RELN: variants seen among roughly 807,000 people sequenced by gnomAD.
The protein encoded by RELN is reelin.
RELN carries 108 observed loss-of-function variants against 427.6 expected under a neutral mutation model. The ratio of observed to expected loss-of-function variants is 0.25; its 90% confidence interval spans 0.22 to 0.30. The LOEUF (loss-of-function observed/expected upper bound fraction) is 0.30, where lower values mean the gene tolerates loss of function less well. RELN is among the 10% of genes least tolerant of loss of function. The pLI, the probability that RELN is intolerant of heterozygous loss-of-function variation, is 1.00. For missense variants in RELN, 3,715 were observed against 4,302.8 expected, an observed-to-expected ratio of 0.86 and a Z score of 3.82; for synonymous variants, 1,524 against 1,513.4, an observed-to-expected ratio of 1.01 and a Z score of -0.16.
intron 2 of RELN, among the ~76,000 whole-genome samples, chr7:103,862,428 T>C (rs577169542): frequency 2.5e-4 from 37 of 146,986 alleles, no homozygotes; most frequent in Non-Finnish European, 4.6e-4. Flanking sequence ...TCTATCTATC[T>C]ATCTATCTAT....
chr7:103,644,007 C>G (rs1473416186), intron 16 of RELN, among the ~76,000 whole-genome samples: 1 of 151,890 alleles, frequency 6.6e-6, no homozygotes. Flanking sequence ...CTAAGGATAT[C>G]TATAACCAAT....
At chr7:103,895,564 A>G (rs1236899715) in intron 2 of RELN, among the ~76,000 whole-genome samples, 2 of 152,132 alleles carry the variant, frequency 1.3e-5, no homozygotes, top group Non-Finnish European at 2.9e-5. Context: ...ATGCAGAATG[A>G]AAAACTTTTA....
chr7:103,749,343 T>C lies in RELN; in HGVS notation c.656+83A>G. 4 of 1,082,652 alleles carry C rather than the reference T, an allele frequency of 3.7e-6. No homozygotes were observed. The Admixed American group carries it at 6.8e-5, about 18-fold the overall frequency. 67.1% of individuals were successfully genotyped at this position (1,082,652 alleles called of 1,614,324 possible). The stretch of plus-strand genomic sequence containing the variant: ...CTTAGCACTAAAGATCAACTTAATT[T>C]TAAGTAACTGCTCCTTAAAGGAGCA... On this transcript the variant is annotated intron_variant, in intron 6 of 64. Transcript: ENST00000428762.
chr7:103,685,365 T>G (rs78963669), intron 10 of RELN, among the ~76,000 whole-genome samples: 5,471 of 152,182 alleles, frequency 0.036, 161 homozygotes, highest in East Asian at 0.14. Flanking sequence ...CATGAGCTCT[T>G]GATATGAAAA....
chr7:103,586,750 T>C (rs1320294929), intron 28 of RELN, among the ~76,000 whole-genome samples: 1 of 152,288 alleles, frequency 6.6e-6, no homozygotes, highest in East Asian at 1.9e-4. Flanking sequence ...ACATTGAAGC[T>C]GAGTACAAAA....
In RELN at chr7:103,510,953, G is replaced by A; in HGVS notation, c.8172C>T (p.Asp2724=). The part of the protein sequence containing the change: ...HDDCTVERFC[D]SPDGVMLCGS... ...CACAGAGCATCACACCATCAGGGGAGTCACAGAATCTTTCTACTGTACAAT... is the reference window on the plus strand; with the variant it reads ...CACAGAGCATCACACCATCAGGGGAATCACAGAATCTTTCTACTGTACAAT... The change falls in exon 51 of 65, where the codon GAC becomes GAT. Residue 2724 remains aspartate, a synonymous_variant. Coordinates refer to ENST00000428762, the MANE Select transcript of RELN (RefSeq NM_005045.4). 1.2e-6 allele frequency: 2 copies of A among 1,612,818 alleles called. No individual in the cohort carries two copies. The highest frequency in any genetic ancestry group is 1.7e-5 in the Admixed American group (1 of 59,964).
At chr7:103,874,432 T>G (rs1469475665) in intron 2 of RELN, among the ~76,000 whole-genome samples, 17 of 143,058 alleles carry the variant, frequency 1.2e-4, no homozygotes, top group African/African-American at 4.2e-4. Context: ...TGTTTGCAGA[T>G]GACATGATTG....
At chr7:103,839,499 C>A (rs142052535) in intron 2 of RELN, among the ~76,000 whole-genome samples, 1 of 151,836 alleles carries the variant, frequency 6.6e-6, no homozygotes, top group African/African-American at 2.4e-5. Flanking sequence ...TTAGGCTCTA[C>A]GGAGGTATAT....
chr7:103,865,832 C>A (rs558467595), intron 2 of RELN, among the ~76,000 whole-genome samples: 1 of 152,116 alleles, frequency 6.6e-6, no homozygotes, highest in East Asian at 1.9e-4. Flanking sequence ...GCTCTAAGAT[C>A]GGGAACAAGG....
At chr7:103,751,793 A>G (rs1246474629) in intron 5 of RELN, among the ~76,000 whole-genome samples, 1 of 152,200 alleles carries the variant, frequency 6.6e-6, no homozygotes, top group Non-Finnish European at 1.5e-5. Flanking sequence ...CAGATTTTCC[A>G]AAGAGGAAAA....
intron 6 of RELN, among the ~76,000 whole-genome samples, chr7:103,744,262 C>T (rs1451521419): frequency 6.6e-6 from 1 of 152,104 alleles, no homozygotes; most frequent in African/African-American, 2.4e-5. Flanking sequence ...ACATTCAAAG[C>T]AGTGTGTAGA....
intron 5 of RELN, among the ~76,000 whole-genome samples, chr7:103,750,144 T>A (rs1464089825): frequency 6.6e-6 from 1 of 152,192 alleles, no homozygotes; most frequent in East Asian, 1.9e-4. Flanking sequence ...CATGACTGGC[T>A]AATTTTTATA....
At chr7:103,770,177 T>C (rs891681210) in intron 4 of RELN, among the ~76,000 whole-genome samples, 1 of 152,122 alleles carries the variant, frequency 6.6e-6, no homozygotes, top group Non-Finnish European at 1.5e-5. Flanking sequence ...CCCCACCTCC[T>C]GGGTTCAAGC....
chr7:103,694,734 C>A (rs1016980987), intron 10 of RELN, among the ~76,000 whole-genome samples: 1 of 151,792 alleles, frequency 6.6e-6, no homozygotes, highest in Non-Finnish European at 1.5e-5. Flanking sequence ...GATCATAGCT[C>A]ACTGCACCTT....
chr7:103,486,814 T>C lies in RELN; in HGVS notation c.9764-398A>G, dbSNP rs182643986. On this transcript the variant is annotated intron_variant, in intron 60 of 64. Coordinates refer to ENST00000428762, the MANE Select transcript of RELN (RefSeq NM_005045.4). ...CACTTTTACACTGTTGGTGGGAGTG[T>C]AAATTAGTTCAACCATTGTAGAAGA... is the stretch of plus-strand genomic sequence containing the variant. Among the ~76,000 whole-genome samples, 3 of 152,296 alleles carry C rather than the reference T, an allele frequency of 2.0e-5. No individual in the cohort carries two copies. In the East Asian group the frequency reaches 5.8e-4, roughly 29 times the overall value.
At chr7:103,735,819 G>C (rs1386786243) in intron 6 of RELN, among the ~76,000 whole-genome samples, 3 of 152,088 alleles carry the variant, frequency 2.0e-5, no homozygotes, top group African/African-American at 7.2e-5. Context: ...TGCCACTGAA[G>C]GAGTCAGTGT....
At chr7:103,919,406 G>C (rs1476928) in intron 1 of RELN, among the ~76,000 whole-genome samples, 18,960 of 152,004 alleles carry the variant, frequency 0.12, 1,253 homozygotes, top group South Asian at 0.18. Flanking sequence ...TTCACACCAA[G>C]GAACTTCGAC....
intron 2 of RELN, among the ~76,000 whole-genome samples, chr7:103,869,783 A>G (rs1584315321): frequency 6.6e-6 from 1 of 152,290 alleles, no homozygotes; most frequent in Non-Finnish European, 1.5e-5. Flanking sequence ...TTGCAAATTA[A>G]TGTTTTTCAA....
At chr7:103,702,252 T>C (rs780201770) in intron 8 of RELN, among the ~76,000 whole-genome samples, 5 of 152,214 alleles carry the variant, frequency 3.3e-5, no homozygotes, top group African/African-American at 4.8e-5. Context: ...GGCAGAATTA[T>C]GTAGGACAAA....
Sources: allele counts gnomAD v4.1 joint callset (sites outside exome capture counted in the v4.1 genomes callset), GRCh38; gene constraint gnomAD v4.1.1; transcripts MANE v1.5; gene names NCBI Gene and HGNC (gene_info 2026-07-23, HGNC 2026-07-21).